The following CDH18 variants were observed in gnomAD, a reference collection of about 807,000 sequenced individuals.
The protein encoded by CDH18 is cadherin-18.
CDH18 carries 31 observed loss-of-function variants against 67.9 expected under a neutral mutation model. The observed-to-expected ratio is 0.46, with a 90% confidence interval of 0.34 to 0.62. CDH18 has a LOEUF of 0.62. Ranked by LOEUF, CDH18 falls within the 20% of genes least tolerant of loss-of-function variation. CDH18 has a pLI of 0.01. For synonymous variants in CDH18, 362 were observed against 347.2 expected (o/e 1.04, Z -0.48); for missense variants, 890 against 975.5 (o/e 0.91, Z 1.17).
chr5:19,766,288 T>C (rs568968181), intron 3 of CDH18, among the ~76,000 whole-genome samples: 3 of 152,346 alleles, frequency 2.0e-5, no homozygotes, highest in Admixed American at 6.5e-5. Flanking sequence ...CTTACTCTTC[T>C]CTCAGTAACC....
At chr5:20,494,741 G>A (rs1753810023) in intron 1 of CDH18, among the ~76,000 whole-genome samples, 1 of 152,100 alleles carries the variant, frequency 6.6e-6, no homozygotes, top group Non-Finnish European at 1.5e-5. Context: ...GCTTTCTATG[G>A]CCACCTTCTT....
intron 5 of CDH18, among the ~76,000 whole-genome samples, chr5:19,702,176 T>C (rs1417957211): frequency 1.6e-5 from 2 of 126,264 alleles, no homozygotes; most frequent in Non-Finnish European, 3.2e-5. Flanking sequence ...TGAGATGGAG[T>C]CTCCCTCTGT....
At chr5:19,490,329 G>A (rs921549051) in intron 11 of CDH18, among the ~76,000 whole-genome samples, 2 of 145,466 alleles carry the variant, frequency 1.4e-5, no homozygotes, top group Admixed American at 6.9e-5. Flanking sequence ...CAAAAGGAAA[G>A]CAAGTGACAT....
chr5:20,380,127 T>C (rs867299139), intron 1 of CDH18, among the ~76,000 whole-genome samples: 13 of 152,300 alleles, frequency 8.5e-5, no homozygotes, highest in Middle Eastern at 3.4e-3. Flanking sequence ...AGATCTAAAA[T>C]GTAGCATCTA....
chr5:20,113,908 C>A (rs1488250036), intron 2 of CDH18, among the ~76,000 whole-genome samples: 1 of 152,218 alleles, frequency 6.6e-6, no homozygotes, highest in African/African-American at 2.4e-5. Context: ...ATATAAAGAC[C>A]ATTTTCTGAA....
chr5:20,131,983 G>A (rs1749307852), intron 2 of CDH18, among the ~76,000 whole-genome samples: 1 of 152,046 alleles, frequency 6.6e-6, no homozygotes, highest in South Asian at 2.1e-4. Flanking sequence ...TACCTCCCGG[G>A]TTCAAGCATT....
chr5:20,516,115 T>C (rs1032046566), intron 1 of CDH18, among the ~76,000 whole-genome samples: 3 of 152,064 alleles, frequency 2.0e-5, no homozygotes, highest in Non-Finnish European at 2.9e-5. Flanking sequence ...TATCTGATAA[T>C]GAATGCTAAT....
Position 20,399,890 on chromosome 5 carries a change from G to T in CDH18, c.-579-144385C>A, listed in dbSNP as rs56261463. Among the ~76,000 whole-genome samples, 474 of 152,274 alleles carry T rather than the reference G, an allele frequency of 3.1e-3. 5 individuals carry two copies. The East Asian group carries it at 0.038, about 12-fold the overall frequency. ...AATTACCTCACCAGTATGCTGAAGAGCAGGAGCTCAAACAGGGGTAATCCA... is the reference window on the plus strand; with the variant it reads ...AATTACCTCACCAGTATGCTGAAGATCAGGAGCTCAAACAGGGGTAATCCA... On this transcript the variant is annotated intron_variant, in intron 1 of 14. Transcript: ENST00000507958.
chr5:20,164,215 A>AT (rs1736109071), intron 2 of CDH18, among the ~76,000 whole-genome samples: 1 of 152,078 alleles, frequency 6.6e-6, no homozygotes, highest in Admixed American at 6.6e-5. Flanking sequence ...TAAGACAGAC[A>AT]TTTTTCTTAT....
rs189123365 is a variant in CDH18 at position 20,445,200 on chromosome 5, C to T, written c.-580+130262G>A. ...TTTTGGGTTACAGAAATAGCTGTTA[C>T]GAAGACTAAGCATTAGAACATCATT... On this transcript the variant is annotated intron_variant, in intron 1 of 14. Coordinates refer to the CDH18 transcript ENST00000507958. Among the ~76,000 whole-genome samples the T allele has an allele frequency of 1.2e-4, 18 of 152,214 alleles. No homozygotes were observed. In the South Asian group the frequency reaches 2.7e-3, roughly 23 times the overall value.
intron 3 of CDH18, among the ~76,000 whole-genome samples, chr5:19,769,582 C>T (rs1417714250): frequency 1.3e-5 from 2 of 151,928 alleles, no homozygotes; most frequent in African/African-American, 4.8e-5. Context: ...ATTCCAACAC[C>T]TTATAAGCAA....
At position 20,206,653 on chromosome 5, in the gene CDH18, G is replaced by C. The variant is rs76019583; in HGVS notation, c.-518+48791C>G. Reference sequence around the variant, plus strand: ...CTCAATCAAGAGGGGTTCATCCCAGGATAAGTATATATATACATCCCACTG... The same window carrying C: ...CTCAATCAAGAGGGGTTCATCCCAGCATAAGTATATATATACATCCCACTG... On this transcript the variant is annotated intron_variant, in intron 2 of 14. Transcript: ENST00000507958. Among the ~76,000 whole-genome samples the C allele has an allele frequency of 5.7e-3, 861 of 151,762 alleles. 10 individuals carry two copies. Among genetic ancestry groups the C allele is most frequent in the African/African-American group, 0.02 (825 of 41,428 alleles).
Position 19,473,736 on chromosome 5 carries a change from G to A in CDH18, c.1883-20C>T, listed in dbSNP as rs771291968. ...CAATTGCTGAGGAAGAATGGAAAAAGGATGAAGAATTAAGAAAACAGGAAG... is the reference window on the plus strand; with the variant it reads ...CAATTGCTGAGGAAGAATGGAAAAAAGATGAAGAATTAAGAAAACAGGAAG... On this transcript the variant is annotated intron_variant, in intron 12 of 12. Coordinates refer to ENST00000382275, the MANE Select transcript of CDH18 (RefSeq NM_004934.5). 1 of 1,551,440 alleles carries A rather than the reference G, an allele frequency of 6.4e-7. No individual in the cohort carries two copies. The highest frequency in any genetic ancestry group is 8.7e-7 in the Non-Finnish European group (1 of 1,150,268).
At chr5:20,365,015 C>A (rs1742394441) in intron 1 of CDH18, among the ~76,000 whole-genome samples, 2 of 152,174 alleles carry the variant, frequency 1.3e-5, no homozygotes, top group Non-Finnish European at 2.9e-5. Flanking sequence ...GTAGTATCTG[C>A]AGTAATTCTT....
chr5:19,659,216 C>G (rs1022499612), intron 5 of CDH18, among the ~76,000 whole-genome samples: 2 of 151,628 alleles, frequency 1.3e-5, no homozygotes, highest in African/African-American at 4.8e-5. Flanking sequence ...TAAATAATAA[C>G]TGCCACCACC....
chr5:20,331,477 G>A (rs1283073586), intron 1 of CDH18: 14 of 152,110 alleles, frequency 9.2e-5, no homozygotes, highest in Non-Finnish European at 1.6e-4. Flanking sequence ...TCAGCAATTC[G>A]GGCCTATAAA....
chr5:20,043,286 C>T lies in CDH18; in HGVS notation c.-517-51272G>A, dbSNP rs575662697. ...CTGCATCCACCCTTCCTCATGATAG[C>T]GAAAATTTTCCTTTTCTCTTTTTCA... On this transcript the variant is annotated intron_variant, in intron 2 of 14. Transcript: ENST00000507958. Among the ~76,000 whole-genome samples the T allele has an allele frequency of 3.3e-5, 5 of 152,074 alleles. No individual in the cohort carries two copies. The South Asian group carries it at 6.2e-4, about 19-fold the overall frequency.
chr5:19,647,298 G>A (rs1406939513), intron 5 of CDH18, among the ~76,000 whole-genome samples: 2 of 151,506 alleles, frequency 1.3e-5, no homozygotes, highest in Admixed American at 6.6e-5. Flanking sequence ...CGAAGCAGGC[G>A]GATCACGAGG....
intron 2 of CDH18, among the ~76,000 whole-genome samples, chr5:20,044,387 T>C (rs1190142834): frequency 6.6e-6 from 1 of 152,162 alleles, no homozygotes; most frequent in African/African-American, 2.4e-5. Context: ...ATAATTATAA[T>C]AGACATGAAT....
Sources: allele counts gnomAD v4.1 joint callset (sites outside exome capture counted in the v4.1 genomes callset), GRCh38; gene constraint gnomAD v4.1.1; transcripts MANE v1.5; gene names NCBI Gene and HGNC (gene_info 2026-07-23, HGNC 2026-07-21).